The following CRY1 variants were observed in gnomAD, a reference collection of about 807,000 sequenced individuals.
CRY1 encodes the protein cryptochrome-1.
A neutral mutation model predicts 76.0 loss-of-function variants in CRY1; 45 were observed. That is an observed-to-expected ratio of 0.59 (90% CI 0.47 to 0.76). The LOEUF (loss-of-function observed/expected upper bound fraction) is 0.76. Ranked by LOEUF, CRY1 falls within the 30% of genes least tolerant of loss-of-function variation. The probability of loss-of-function intolerance (pLI) is 0.00; values close to 1 mark genes in which losing one functional copy is unlikely to be tolerated. For synonymous variants in CRY1, 248 were observed against 244.0 expected (o/e 1.02, Z -0.15); for missense variants, 587 against 716.4 (o/e 0.82, Z 2.06).
chr12:107,067,891 A>T (rs904167953), intron 1 of CRY1, among the ~76,000 whole-genome samples: 4 of 152,236 alleles, frequency 2.6e-5, no homozygotes, highest in Non-Finnish European at 5.9e-5. Flanking sequence ...TAACTATTCC[A>T]TAAGAACAAG....
intron 1 of CRY1, among the ~76,000 whole-genome samples, chr12:107,071,082 A>C: frequency 6.6e-6 from 1 of 152,134 alleles, no homozygotes; most frequent in Non-Finnish European, 1.5e-5. Context: ...TGTCCTAAAA[A>C]CAGCAATAAA....
Position 106,997,274 on chromosome 12 carries a change from G to T in CRY1, c.1585+20C>A, listed in dbSNP as rs959002399. ...TAACCTCTTCATGTTACTAAGTGCA[G>T]AAATTTCCTTTTCACTTACTTCCAC... On this transcript the variant is annotated intron_variant, in intron 10 of 12. Transcript: ENST00000008527. 1.9e-6 allele frequency: 3 copies of T among 1,596,588 alleles called. No individual in the cohort carries two copies. The highest frequency in any genetic ancestry group is 1.1e-5 in the South Asian group (1 of 90,548).
rs1223338865 is a variant in CRY1 at position 107,007,372 on chromosome 12, C to T, written c.268-2124G>A. Among the ~76,000 whole-genome samples the T allele has an allele frequency of 2.6e-5, 4 of 152,122 alleles. No individual in the cohort carries two copies. In the South Asian group the frequency reaches 6.2e-4, roughly 24 times the overall value. On this transcript the variant is annotated intron_variant, in intron 2 of 12. Coordinates refer to ENST00000008527, the MANE Select transcript of CRY1 (RefSeq NM_004075.5). ...TAAGGTGCAGAGAGAGTGCCTAGCA[C>T]GTAATAAACCCTATGTAAGTATTTG...
chr12:107,021,172 A>T (rs1460335663), intron 2 of CRY1, among the ~76,000 whole-genome samples: 2 of 152,086 alleles, frequency 1.3e-5, no homozygotes, highest in African/African-American at 4.8e-5. Flanking sequence ...AATCCCAGCT[A>T]CTCAGGAAGC....
At position 107,022,208 on chromosome 12, in the gene CRY1, T is replaced by C; in HGVS notation, c.159-16A>G. ...AAGCAAAAATCTAGAGAGAAGAAAG[T>C]ATTATTTAAATTATTAAAAAATACA... On this transcript the variant is annotated splice_polypyrimidine_tract_variant and intron_variant, in intron 1 of 12. Coordinates refer to ENST00000008527, the MANE Select transcript of CRY1 (RefSeq NM_004075.5). 1 of 1,401,506 alleles carries C rather than the reference T, an allele frequency of 7.1e-7. No individual in the cohort carries two copies. Among genetic ancestry groups the C allele is most frequent in the South Asian group, 1.4e-5 (1 of 73,198 alleles). 86.8% of individuals were successfully genotyped at this position (1,401,506 alleles called of 1,614,324 possible).
intron 2 of CRY1, among the ~76,000 whole-genome samples, chr12:107,018,744 G>A (rs1452027216): frequency 6.6e-6 from 1 of 152,076 alleles, no homozygotes; most frequent in African/African-American, 2.4e-5. Flanking sequence ...GAGCCATCTT[G>A]TTAGCCTATA....
rs2136823572 is a variant in CRY1, at chr12:107,001,647, CCTTT to C, written c.595+113_595+116del. The C allele has an allele frequency of 6.7e-6, 6 of 897,870 alleles. No homozygotes were observed. The Middle Eastern group carries it at 6.9e-4, about 103-fold the overall frequency. 55.6% of individuals were successfully genotyped at this position (897,870 alleles called of 1,614,324 possible). ...AGGGTTCTTTTTCTTCTCCCCCTGCCCTTTCTTTCTCTCCTAATGCAAAATACTT... is the reference window on the plus strand; with the variant it reads ...AGGGTTCTTTTTCTTCTCCCCCTGCCCTTTCTCTCCTAATGCAAAATACTT... On this transcript the variant is annotated intron_variant, in intron 4 of 12. Transcript: ENST00000008527.
rs374604871 is a variant in CRY1, at chr12:107,022,153, T to C, written c.198A>G (p.Leu66=). ...LQCLEDLDAN[L]RKLNSRLFVI... ...CAAACAGACGGGAGTTTAATTTTCG[T>C]AGATTGGCATCAAGATCCTCAAGAC... Residue 66 remains leucine, a synonymous_variant, in exon 2 of 13, where the codon CTA becomes CTG. Transcript: ENST00000008527. 1.2e-6 allele frequency: 2 copies of C among 1,602,316 alleles called. No individual in the cohort carries two copies. Among genetic ancestry groups the C allele is most frequent in the East Asian group, 2.3e-5 (1 of 44,274 alleles).
intron 2 of CRY1, among the ~76,000 whole-genome samples, chr12:107,005,637 T>C (rs1952364870): frequency 6.6e-6 from 1 of 152,206 alleles, no homozygotes; most frequent in African/African-American, 2.4e-5. Flanking sequence ...TTTTAAAACT[T>C]AGGGACCTGC....
chr12:107,039,452 T>C (rs894087840), intron 1 of CRY1, among the ~76,000 whole-genome samples: 2 of 152,156 alleles, frequency 1.3e-5, no homozygotes, highest in African/African-American at 4.8e-5. Context: ...TTCCAAAATA[T>C]GTAAGGAACT....
At chr12:107,082,200 G>A (rs1244414452) in intron 1 of CRY1, among the ~76,000 whole-genome samples, 3 of 152,008 alleles carry the variant, frequency 2.0e-5, no homozygotes, top group African/African-American at 7.2e-5. Flanking sequence ...GATTCATAAA[G>A]CAAGTTCTCG....
At chr12:107,024,561 G>A (rs1287016679) in intron 1 of CRY1, among the ~76,000 whole-genome samples, 1 of 152,052 alleles carries the variant, frequency 6.6e-6, no homozygotes, top group African/African-American at 2.4e-5. Flanking sequence ...AGTTTTTGTA[G>A]AGGTGGGGTC....
intron 1 of CRY1, among the ~76,000 whole-genome samples, chr12:107,065,570 G>C (rs1953099945): frequency 6.6e-6 from 1 of 152,096 alleles, no homozygotes; most frequent in Non-Finnish European, 1.5e-5. Context: ...ACTCCAGCCT[G>C]GGTGACAAGA....
intron 1 of CRY1, among the ~76,000 whole-genome samples, chr12:107,026,120 A>G (rs1191350218): frequency 2.4e-5 from 1 of 41,530 alleles, no homozygotes; most frequent in Non-Finnish European, 5.3e-5. Context: ...AAATATATAT[A>G]TTATATATAA....
chr12:107,093,067 G>C lies in CRY1; in HGVS notation c.-106C>G. The stretch of plus-strand genomic sequence containing the variant: ...AGAATTGCCTCACCCGGGGCGTGAG[G>C]AAAGGGCGGCAGAGGGGGAACAGGA... On this transcript the variant is annotated 5_prime_UTR_variant, in exon 1 of 13. Transcript: ENST00000008527. 1 of 1,333,620 alleles carries C rather than the reference G, an allele frequency of 7.5e-7. No individual in the cohort carries two copies. The highest frequency in any genetic ancestry group is 2.6e-5 in the East Asian group (1 of 37,854). 82.6% of individuals were successfully genotyped at this position (1,333,620 alleles called of 1,614,324 possible).
chr12:107,070,694 A>AT (rs1400508354), intron 1 of CRY1, among the ~76,000 whole-genome samples: 2 of 148,348 alleles, frequency 1.3e-5, no homozygotes, highest in Non-Finnish European at 1.5e-5. Flanking sequence ...TTATTTATTT[A>AT]TTTATTTATT....
chr12:107,063,412 T>C (rs1242463977), intron 1 of CRY1, among the ~76,000 whole-genome samples: 2 of 152,206 alleles, frequency 1.3e-5, no homozygotes, highest in South Asian at 2.1e-4. Context: ...ATTTCTAATA[T>C]ATGAGTTCTT....
At chr12:107,073,541 A>T (rs1953216789) in intron 1 of CRY1, among the ~76,000 whole-genome samples, 1 of 152,218 alleles carries the variant, frequency 6.6e-6, no homozygotes, top group Non-Finnish European at 1.5e-5. Context: ...AGCCTGGCCA[A>T]CATGGTAAAA....
chr12:107,065,340 C>A (rs983205188), intron 1 of CRY1, among the ~76,000 whole-genome samples: 7 of 151,978 alleles, frequency 4.6e-5, no homozygotes, highest in Non-Finnish European at 8.8e-5. Flanking sequence ...CATCTGTAAT[C>A]CCAGCACTTT....
Sources: gnomAD v4.1 joint callset for allele counts (sites outside exome capture counted in the v4.1 genomes callset) on GRCh38, gnomAD v4.1.1 for gene constraint, MANE v1.5 for transcripts, NCBI Gene and HGNC (gene_info 2026-07-23, HGNC 2026-07-21) for gene names.